Variants in SLC41A2 observed in about 807,000 individuals in gnomAD.
The protein encoded by SLC41A2 is SLC41A1-like 1.
SLC41A2 carries 32 observed loss-of-function variants against 58.3 expected under a neutral mutation model. The observed-to-expected ratio is 0.55, with a 90% CI of 0.41 to 0.74. SLC41A2 has a LOEUF of 0.74. SLC41A2 is among the 30% of genes least tolerant of loss of function. The probability of loss-of-function intolerance (pLI) is 0.00; values close to 1 mark genes in which losing one functional copy is unlikely to be tolerated. For synonymous variants in SLC41A2, 190 were observed against 235.0 expected (o/e 0.81, Z 1.75); for missense variants, 514 against 680.6 (o/e 0.76, Z 2.72).
At chr12:104,942,785 T>A (rs915533766) in intron 1 of SLC41A2, among the ~76,000 whole-genome samples, 5 of 152,262 alleles carry the variant, frequency 3.3e-5, no homozygotes, top group Admixed American at 2.6e-4. Flanking sequence ...CTGTAAGTTG[T>A]ATTATTTATG....
chr12:104,833,985 T>C (rs1363959778), intron 10 of SLC41A2: 2 of 980,156 alleles, frequency 2.0e-6, no homozygotes, highest in Non-Finnish European at 2.4e-6. Flanking sequence ...CAGGAAGCAA[T>C]GTCCTAAGCA....
chr12:104,937,644 G>A (rs1263162674), intron 1 of SLC41A2, among the ~76,000 whole-genome samples: 7 of 152,202 alleles, frequency 4.6e-5, no homozygotes. Flanking sequence ...CCTTCATTAA[G>A]TGATGCATGA....
At chr12:104,821,592 CAA>C (rs1470012590) in intron 10 of SLC41A2, among the ~76,000 whole-genome samples, 1 of 151,848 alleles carries the variant, frequency 6.6e-6, no homozygotes, top group Non-Finnish European at 1.5e-5. Flanking sequence ...CAATGCTGAG[CAA>C]AAAAAGTCGC....
At chr12:104,945,678 TC>T (rs1456599253) in intron 1 of SLC41A2, among the ~76,000 whole-genome samples, 2 of 152,230 alleles carry the variant, frequency 1.3e-5, no homozygotes, top group African/African-American at 4.8e-5. Context: ...CCTGCTTTTT[TC>T]CATTTCATAA....
At chr12:104,853,911 A>ATTATTATTATTATTTTTTTTTTTTT in intron 8 of SLC41A2, among the ~76,000 whole-genome samples, 31 of 59,490 alleles carry the variant, frequency 5.2e-4, no homozygotes, top group African/African-American at 9.0e-4. Flanking sequence ...TGCCTGGCTG[A>ATTATTATTATTATTTTTTTTTTTTT]TTTTTTTTTT....
chr12:104,949,445 A>G (rs528223176), intron 1 of SLC41A2, among the ~76,000 whole-genome samples: 20 of 152,202 alleles, frequency 1.3e-4, no homozygotes, highest in Non-Finnish European at 2.4e-4. Context: ...AGATTTACAT[A>G]CAGATTTACA....
At chr12:104,834,109 G>A in intron 10 of SLC41A2, 11 of 985,318 alleles carry the variant, frequency 1.1e-5, no homozygotes, top group South Asian at 4.7e-5. Context: ...AATCAAGCAT[G>A]CTGTGCCTCC....
chr12:104,903,608 G>A (rs1332596709), intron 3 of SLC41A2, among the ~76,000 whole-genome samples: 1 of 152,196 alleles, frequency 6.6e-6, no homozygotes, highest in African/African-American at 2.4e-5. Context: ...AGCACACTTT[G>A]AGAACTACTG....
chr12:104,855,475 C>T (rs1219538575), intron 8 of SLC41A2, among the ~76,000 whole-genome samples: 4 of 152,144 alleles, frequency 2.6e-5, no homozygotes, highest in East Asian at 3.9e-4. Flanking sequence ...TTTGGTTTTA[C>T]GTACCCTTGA....
chr12:104,886,025 A>G (rs2044640644), intron 6 of SLC41A2, among the ~76,000 whole-genome samples: 1 of 152,140 alleles, frequency 6.6e-6, no homozygotes, highest in African/African-American at 2.4e-5. Flanking sequence ...AAACTTGGGT[A>G]ACATACATAA....
intron 10 of SLC41A2, among the ~76,000 whole-genome samples, chr12:104,810,681 G>A (rs2041134681): frequency 6.6e-6 from 1 of 152,192 alleles, no homozygotes; most frequent in South Asian, 2.1e-4. Flanking sequence ...TTCTCAGGAA[G>A]TAGGTAGGTT....
chr12:104,937,498 G>A (rs956251062), intron 1 of SLC41A2, among the ~76,000 whole-genome samples: 3 of 152,170 alleles, frequency 2.0e-5, no homozygotes, highest in African/African-American at 7.2e-5. Flanking sequence ...TGTAGCCTAG[G>A]AGCGATAGGC....
At chr12:104,810,558 A>G (rs9669688) in intron 10 of SLC41A2, among the ~76,000 whole-genome samples, 2,711 of 152,306 alleles carry the variant, frequency 0.018, 98 homozygotes, top group African/African-American at 0.061. Context: ...GGCAAACTAC[A>G]GCCCATGGGC....
At chr12:104,948,185 C>T (rs1226649456) in intron 1 of SLC41A2, among the ~76,000 whole-genome samples, 1 of 152,138 alleles carries the variant, frequency 6.6e-6, no homozygotes, top group Admixed American at 6.5e-5. Flanking sequence ...ATATTTATAA[C>T]AGTAGCCTTT....
chr12:104,907,988 G>C (rs1290099240), intron 3 of SLC41A2, among the ~76,000 whole-genome samples: 2 of 152,162 alleles, frequency 1.3e-5, no homozygotes, highest in Admixed American at 1.3e-4. Context: ...AACCAGGCCA[G>C]GCACAGTGGC....
intron 10 of SLC41A2, among the ~76,000 whole-genome samples, chr12:104,819,489 G>A (rs192908527): frequency 1.3e-5 from 2 of 152,160 alleles, no homozygotes; most frequent in East Asian, 1.9e-4. Context: ...TTAAAGGTAC[G>A]TACAAACATT....
chr12:104,949,403 A>G (rs916191045), intron 1 of SLC41A2, among the ~76,000 whole-genome samples: 1 of 152,176 alleles, frequency 6.6e-6, no homozygotes, highest in East Asian at 1.9e-4. Flanking sequence ...ACATTATTTC[A>G]CTTATTTACA....
chr12:104,892,765 TTTTTA>T (rs2045079793), intron 4 of SLC41A2, among the ~76,000 whole-genome samples: 1 of 152,194 alleles, frequency 6.6e-6, no homozygotes, highest in South Asian at 2.1e-4. Context: ...AAAGACAGTC[TTTTTA>T]ACAAGTGGTG....
chr12:104,907,180 T>G (rs1403083645), intron 3 of SLC41A2, among the ~76,000 whole-genome samples: 1 of 151,088 alleles, frequency 6.6e-6, no homozygotes, highest in Admixed American at 6.6e-5. Context: ...AGTATGTCAC[T>G]CGTTATCCTT....
Sources: gnomAD v4.1 joint callset for allele counts (sites outside exome capture counted in the v4.1 genomes callset) on GRCh38, gnomAD v4.1.1 for gene constraint, MANE v1.5 for transcripts, NCBI Gene and HGNC (gene_info 2026-07-23, HGNC 2026-07-21) for gene names.